Variants in TFCP2L1 observed in about 807,000 individuals in gnomAD.
The protein encoded by TFCP2L1 is transcription factor CP2 like 1, also known as transcription factor CP2-like protein 1.
TFCP2L1 carries 12 observed loss-of-function variants against 72.2 expected under a neutral mutation model. That is an observed-to-expected ratio of 0.17 (90% confidence interval 0.11 to 0.27). The LOEUF (loss-of-function observed/expected upper bound fraction) is 0.27, where lower values mean the gene tolerates loss of function less well. TFCP2L1 is among the 10% of genes least tolerant of loss of function. The probability of loss-of-function intolerance (pLI) is 1.00; values close to 1 mark genes in which losing one functional copy is unlikely to be tolerated. For synonymous variants in TFCP2L1, 260 were observed against 251.0 expected (o/e 1.04, Z -0.34); for missense variants, 488 against 624.6 (o/e 0.78, Z 2.33).
At chr2:121,255,457 A>C (rs1686695350) in intron 2 of TFCP2L1, among the ~76,000 whole-genome samples, 1 of 152,256 alleles carries the variant, frequency 6.6e-6, no homozygotes, top group African/African-American at 2.4e-5. Flanking sequence ...GCCATGTGCC[A>C]GTACACTGCA....
At chr2:121,244,582 A>G (rs1686443672) in intron 6 of TFCP2L1, among the ~76,000 whole-genome samples, 1 of 152,140 alleles carries the variant, frequency 6.6e-6, no homozygotes. Context: ...AACGCCTGGC[A>G]TGGGTTGAGG....
intron 11 of TFCP2L1, among the ~76,000 whole-genome samples, chr2:121,234,425 A>C (rs1573361691): frequency 6.6e-6 from 1 of 152,356 alleles, no homozygotes; most frequent in Non-Finnish European, 1.5e-5. Flanking sequence ...TTTTCAGGCA[A>C]CAATTAGAGC....
At chr2:121,235,008 G>A (rs557404430) in intron 11 of TFCP2L1, among the ~76,000 whole-genome samples, 1 of 152,368 alleles carries the variant, frequency 6.6e-6, no homozygotes, top group Admixed American at 6.5e-5. Flanking sequence ...AGGGTCTGCG[G>A]CAGCTGGCCA....
chr2:121,265,387 T>C (rs907810557), intron 2 of TFCP2L1, among the ~76,000 whole-genome samples: 3 of 152,220 alleles, frequency 2.0e-5, no homozygotes, highest in Non-Finnish European at 4.4e-5. Context: ...CTAAAATTAG[T>C]TGTGATGGCT....
chr2:121,264,373 T>C (rs1057219596), intron 2 of TFCP2L1, among the ~76,000 whole-genome samples: 1 of 152,190 alleles, frequency 6.6e-6, no homozygotes, highest in Admixed American at 6.5e-5. Context: ...TGCTCCTCTA[T>C]TCCCAGCCTC....
chr2:121,281,311 A>G, intron 1 of TFCP2L1, 40 bp from the exon 2 acceptor site: 1 of 1,553,374 alleles, frequency 6.4e-7, no homozygotes, highest in Middle Eastern at 1.8e-4. Context: ...GCAGAGCCCC[A>G]GGGGGCTCCT....
intron 1 of TFCP2L1, among the ~76,000 whole-genome samples, chr2:121,283,898 TC>T (rs1399886920): frequency 1.3e-5 from 2 of 152,352 alleles, no homozygotes; most frequent in Non-Finnish European, 2.9e-5. Flanking sequence ...ATCACCGTGG[TC>T]TGCCGGGTGG....
intron 2 of TFCP2L1, among the ~76,000 whole-genome samples, chr2:121,256,442 T>C (rs1278549734): frequency 2.0e-5 from 3 of 152,146 alleles, no homozygotes; most frequent in South Asian, 2.1e-4. Context: ...TGGTTATCCA[T>C]ATGGAAAAAT....
rs1392524881 is a variant in TFCP2L1, at chr2:121,269,624, T to TA, written c.214+11495dup. ...TTAAAAACAAACAGCAAAAATTATG[T>TA]AAAAGAGGCCGGGCCTGGTGGCTCA... On this transcript the variant is annotated intron_variant, in intron 2 of 14. Coordinates refer to ENST00000263707, the MANE Select transcript of TFCP2L1 (RefSeq NM_014553.3). Among the ~76,000 whole-genome samples the TA allele has an allele frequency of 3.3e-5, 5 of 151,734 alleles. No homozygotes were observed. In the East Asian group the frequency reaches 9.8e-4, roughly 30 times the overall value.
chr2:121,232,940 T>C (rs1686174996), intron 12 of TFCP2L1, among the ~76,000 whole-genome samples: 2 of 152,116 alleles, frequency 1.3e-5, no homozygotes, highest in East Asian at 1.9e-4. Flanking sequence ...GCAAATGCAA[T>C]TGGATTAAAT....
chr2:121,260,307 C>T (rs1406908749), intron 2 of TFCP2L1, among the ~76,000 whole-genome samples: 2 of 74,624 alleles, frequency 2.7e-5, no homozygotes, highest in African/African-American at 1.3e-4. Flanking sequence ...TGACTCAGAC[C>T]CCTTGACACT....
At chr2:121,250,437 T>C (rs766013541) in intron 2 of TFCP2L1, among the ~76,000 whole-genome samples, 1 of 151,124 alleles carries the variant, frequency 6.6e-6, no homozygotes, top group African/African-American at 2.4e-5. Context: ...ATGATGCCAA[T>C]TTTCCCAAAA....
chr2:121,281,706 A>T (rs1041960028), intron 1 of TFCP2L1, among the ~76,000 whole-genome samples: 2 of 152,170 alleles, frequency 1.3e-5, no homozygotes, highest in African/African-American at 4.8e-5. Flanking sequence ...AATTCCATTT[A>T]CCGGCCACTT....
intron 2 of TFCP2L1, among the ~76,000 whole-genome samples, chr2:121,251,798 CATT>C (rs1434591717): frequency 1.3e-5 from 2 of 152,190 alleles, no homozygotes; most frequent in Non-Finnish European, 2.9e-5. Flanking sequence ...ATACAATTCT[CATT>C]AGTCAATGTT....
intron 2 of TFCP2L1, among the ~76,000 whole-genome samples, chr2:121,276,280 T>G (rs1241702311): frequency 6.6e-6 from 1 of 151,564 alleles, no homozygotes; most frequent in African/African-American, 2.4e-5. Flanking sequence ...ATATTCTCAT[T>G]GTTCAACTCC....
intron 1 of TFCP2L1, among the ~76,000 whole-genome samples, chr2:121,282,424 A>C (rs1687283312): frequency 6.6e-6 from 1 of 151,344 alleles, no homozygotes; most frequent in Non-Finnish European, 1.5e-5. Flanking sequence ...CTCATGCCTG[A>C]AATCCCAGTA....
chr2:121,235,718 C>A (rs1166956907), intron 10 of TFCP2L1, among the ~76,000 whole-genome samples: 3 of 151,276 alleles, frequency 2.0e-5, no homozygotes, highest in Non-Finnish European at 4.4e-5. Context: ...CTGCATCTGG[C>A]CTCTTCTCTT....
At chr2:121,239,363 C>T (rs576281943) in intron 8 of TFCP2L1, among the ~76,000 whole-genome samples, 195 bp downstream of exon 8, 36 of 152,308 alleles carry the variant, frequency 2.4e-4, no homozygotes, top group African/African-American at 8.4e-4. Context: ...GCCGCTGTCC[C>T]ACCCGACAAC....
chr2:121,231,522 CT>C (rs1331790779), intron 13 of TFCP2L1, among the ~76,000 whole-genome samples: 2 of 152,244 alleles, frequency 1.3e-5, no homozygotes, highest in African/African-American at 4.8e-5. Context: ...GGGAACGCCC[CT>C]CTCCTGACCT....
Sources: gnomAD v4.1 joint callset for allele counts (sites outside exome capture counted in the v4.1 genomes callset) on GRCh38, gnomAD v4.1.1 for gene constraint, MANE v1.5 for transcripts, NCBI Gene and HGNC (gene_info 2026-07-23, HGNC 2026-07-21) for gene names.